Variants in RAD51B observed in about 807,000 individuals in gnomAD.
The protein encoded by RAD51B is RAD51 paralog B, also known as DNA repair protein RAD51 homolog 2.
In RAD51B, 38 loss-of-function variants were observed where a neutral mutation model predicts 42.2. The observed-to-expected ratio is 0.90, with a 90% confidence interval of 0.70 to 1.18. RAD51B has a LOEUF of 1.18. Among genes scored for constraint, RAD51B ranks in the 50% most tolerant of loss-of-function variants. RAD51B has a pLI of 0.00. For synonymous variants in RAD51B, 154 were observed against 145.2 expected, an observed-to-expected ratio of 1.06 and a Z score of -0.43; for missense variants, 373 against 400.7, an observed-to-expected ratio of 0.93 and a Z score of 0.59.
chr14:67,829,852 A>G (rs1354147646), intron 3 of RAD51B, among the ~76,000 whole-genome samples: 1 of 152,228 alleles, frequency 6.6e-6, no homozygotes, highest in Non-Finnish European at 1.5e-5. Context: ...TAATTATAAT[A>G]GTGCTAAATC....
chr14:67,984,550 T>C (rs543011925), intron 7 of RAD51B, among the ~76,000 whole-genome samples: 36 of 152,208 alleles, frequency 2.4e-4, no homozygotes, highest in Non-Finnish European at 4.3e-4. Context: ...TGCTAAAGTT[T>C]CTATGATTTT....
At chr14:68,105,593 G>A (rs747161123) in intron 7 of RAD51B, among the ~76,000 whole-genome samples, 10 of 151,592 alleles carry the variant, frequency 6.6e-5, no homozygotes, top group Non-Finnish European at 1.5e-4. Flanking sequence ...AAATAGATTG[G>A]TTTTGTTATT....
intron 5 of RAD51B, among the ~76,000 whole-genome samples, chr14:67,870,945 A>G (rs2140007883): frequency 6.8e-6 from 1 of 147,004 alleles, no homozygotes; most frequent in South Asian, 2.2e-4. Flanking sequence ...CAGTGTGTAG[A>G]GGGAAATTTA....
chr14:68,613,620 GT>G, downstream of RAD51B, among the ~76,000 whole-genome samples: 1 of 151,840 alleles, frequency 6.6e-6, no homozygotes, highest in Admixed American at 6.6e-5. Context: ...CACCCGGCTA[GT>G]TTTTTTGTAT....
At chr14:68,065,746 C>A (rs939663015) in intron 7 of RAD51B, among the ~76,000 whole-genome samples, 1 of 152,058 alleles carries the variant, frequency 6.6e-6, no homozygotes, top group Non-Finnish European at 1.5e-5. Context: ...ATGGAGCACC[C>A]TGGGCAGCTT....
chr14:68,418,814 A>G (rs1594808030), intron 9 of RAD51B, among the ~76,000 whole-genome samples: 1 of 152,254 alleles, frequency 6.6e-6, no homozygotes, highest in Non-Finnish European at 1.5e-5. Flanking sequence ...GAGTGAGAAG[A>G]AAATGGGCAA....
At chr14:68,581,711 G>C (rs1386693224) in intron 10 of RAD51B, among the ~76,000 whole-genome samples, 1 of 152,082 alleles carries the variant, frequency 6.6e-6, no homozygotes, top group Non-Finnish European at 1.5e-5. Flanking sequence ...ACAATCCTAA[G>C]CAAAAAGAAC....
chr14:68,154,004 T>C (rs2078446930), intron 7 of RAD51B, among the ~76,000 whole-genome samples: 1 of 152,224 alleles, frequency 6.6e-6, no homozygotes, highest in African/African-American at 2.4e-5. Flanking sequence ...ATCGTCTTCT[T>C]ATTTTAACTA....
intron 10 of RAD51B, among the ~76,000 whole-genome samples, chr14:68,523,789 CTG>C (rs1162256505): frequency 6.6e-6 from 1 of 152,184 alleles, no homozygotes; most frequent in Non-Finnish European, 1.5e-5. Context: ...TATTTTCTAT[CTG>C]TGTTTGGTTG....
At chr14:68,342,670 A>C (rs1418149545) in intron 8 of RAD51B, among the ~76,000 whole-genome samples, 1 of 152,222 alleles carries the variant, frequency 6.6e-6, no homozygotes, top group East Asian at 1.9e-4. Context: ...AAGCCCATCA[A>C]GTGAAAGCAA....
At chr14:68,467,337 G>A (rs931447449) in intron 9 of RAD51B, among the ~76,000 whole-genome samples, 13 of 152,116 alleles carry the variant, frequency 8.5e-5, no homozygotes, top group East Asian at 7.7e-4. Context: ...CTTGCTGCAC[G>A]CACTAATGCT....
chr14:68,357,304 T>G (rs116873602), intron 8 of RAD51B, among the ~76,000 whole-genome samples: 3,212 of 152,310 alleles, frequency 0.021, 54 homozygotes, highest in East Asian at 0.048. Context: ...AGCAATTCAG[T>G]CACATATTCG....
chr14:68,498,766 G>T (rs542574498), intron 10 of RAD51B, among the ~76,000 whole-genome samples: 1 of 152,264 alleles, frequency 6.6e-6, no homozygotes, highest in African/African-American at 2.4e-5. Context: ...GAGCTGAGAC[G>T]TATACTAAAT....
chr14:68,546,709 TG>T (rs1390991631), intron 10 of RAD51B, among the ~76,000 whole-genome samples: 1 of 151,474 alleles, frequency 6.6e-6, no homozygotes, highest in Non-Finnish European at 1.5e-5. Flanking sequence ...AAAGAGGAGC[TG>T]GGGGGAGGAG....
Position 67,887,007 on chromosome 14 carries a change from T to A in RAD51B, c.573-14T>A, listed in dbSNP as rs1297499408. The A allele has an allele frequency of 7.0e-7, 1 of 1,427,966 alleles. No homozygotes were observed. Among genetic ancestry groups the A allele is most frequent in the South Asian group, 1.3e-5 (1 of 74,778 alleles). The allele number at this position is 1,427,966 out of a possible 1,614,324, so 88.5% of individuals were successfully genotyped here. ...TTAAATTTATTGACTATTTTATAAA[T>A]TCTTCTTTTATAGGATTGAATCTTT... On this transcript the variant is annotated splice_polypyrimidine_tract_variant and intron_variant, in intron 6 of 10. Transcript: ENST00000471583.
At chr14:67,884,949 A>G (rs543981300) in intron 5 of RAD51B, among the ~76,000 whole-genome samples, 14 of 152,190 alleles carry the variant, frequency 9.2e-5, no homozygotes, top group Non-Finnish European at 1.6e-4. Context: ...CAGAACTCTA[A>G]CTATTTAGAA....
chr14:68,617,249 T>C (rs777549406), intron 10 of RAD51B, among the ~76,000 whole-genome samples: 1 of 152,238 alleles, frequency 6.6e-6, no homozygotes, highest in Non-Finnish European at 1.5e-5. Context: ...GATAAGATTA[T>C]TCCTTTAGAG....
At chr14:68,339,038 G>C in intron 8 of RAD51B, 4 of 663,628 alleles carry the variant, frequency 6.0e-6, no homozygotes, top group Non-Finnish European at 1.1e-5. Flanking sequence ...CAGCCAGCTC[G>C]ATGGGATCGA....
chr14:68,668,238 C>T (rs1214512354), intron 11 of RAD51B, among the ~76,000 whole-genome samples: 2 of 152,182 alleles, frequency 1.3e-5, no homozygotes, highest in African/African-American at 4.8e-5. Context: ...GCATCTGTGC[C>T]AGCAGGGGAT....
Sources: allele counts gnomAD v4.1 joint callset (sites outside exome capture counted in the v4.1 genomes callset), GRCh38; gene constraint gnomAD v4.1.1; transcripts MANE v1.5; gene names NCBI Gene and HGNC (gene_info 2026-07-23, HGNC 2026-07-21).